DSCAM: variants seen among roughly 807,000 people sequenced by gnomAD.
The protein encoded by DSCAM is DS cell adhesion molecule.
Under a neutral mutation model 217.7 loss-of-function variants are expected in DSCAM, and 47 were observed. That is an observed-to-expected ratio of 0.22 (90% CI 0.17 to 0.28). The LOEUF is 0.28. Among genes scored for constraint, DSCAM ranks in the 10% least tolerant of loss-of-function variants. DSCAM has a pLI of 1.00. For synonymous variants in DSCAM, 1,056 were observed against 1,015.3 expected, an observed-to-expected ratio of 1.04 and a Z score of -0.76; for missense variants, 2,080 against 2,618.3, an observed-to-expected ratio of 0.79 and a Z score of 4.49.
chr21:40,615,184 A>T (rs1288497225), intron 3 of DSCAM, among the ~76,000 whole-genome samples: 2 of 150,822 alleles, frequency 1.3e-5, no homozygotes, highest in Non-Finnish European at 3.0e-5. Flanking sequence ...CACACCTGTA[A>T]ACCCAGGAGA....
At chr21:40,536,883 C>G (rs556185399) in intron 3 of DSCAM, among the ~76,000 whole-genome samples, 1 of 152,172 alleles carries the variant, frequency 6.6e-6, no homozygotes, top group African/African-American at 2.4e-5. Context: ...CAAGTCCAGC[C>G]GTGACAGCTT....
intron 3 of DSCAM, chr21:40,615,367 G>C (rs1157907467): frequency 6.6e-6 from 1 of 150,428 alleles, no homozygotes; most frequent in Non-Finnish European, 1.5e-5. Flanking sequence ...TCTAAATGAT[G>C]AATCTATGAA....
intron 3 of DSCAM, among the ~76,000 whole-genome samples, chr21:40,565,512 C>G (rs942811719): frequency 1.3e-5 from 2 of 152,132 alleles, no homozygotes; most frequent in Non-Finnish European, 2.9e-5. Flanking sequence ...ATAAGGAACA[C>G]CCTTGGATAA....
At chr21:40,297,089 C>CA (rs1044227121) in intron 9 of DSCAM, among the ~76,000 whole-genome samples, 9 of 151,892 alleles carry the variant, frequency 5.9e-5, no homozygotes, top group African/African-American at 1.7e-4. Context: ...CACGGTGGGC[C>CA]AAAGGGGGAC....
chr21:40,377,575 G>T (rs1316007113), intron 3 of DSCAM, among the ~76,000 whole-genome samples: 1 of 152,052 alleles, frequency 6.6e-6, no homozygotes, highest in Non-Finnish European at 1.5e-5. Flanking sequence ...TAAGAGCTCA[G>T]CTGTGAGCAT....
At chr21:40,173,431 C>T (rs928459616) in intron 15 of DSCAM, among the ~76,000 whole-genome samples, 3 of 152,056 alleles carry the variant, frequency 2.0e-5, no homozygotes, top group South Asian at 2.1e-4. Context: ...GCAAGAAGGC[C>T]GATAACTTTC....
At chr21:40,143,313 A>G (rs1298846477) in intron 17 of DSCAM, among the ~76,000 whole-genome samples, 2 of 152,198 alleles carry the variant, frequency 1.3e-5, no homozygotes, top group Non-Finnish European at 2.9e-5. Flanking sequence ...GGCGGTGCAA[A>G]ATACTGGCTG....
chr21:40,825,135 T>C (rs903619198), intron 1 of DSCAM, among the ~76,000 whole-genome samples: 12 of 152,042 alleles, frequency 7.9e-5, no homozygotes, highest in African/African-American at 2.7e-4. Flanking sequence ...ATTCAACAAA[T>C]ATGGAGGGAG....
chr21:40,433,954 G>C (rs2075560368), intron 3 of DSCAM, among the ~76,000 whole-genome samples: 1 of 152,216 alleles, frequency 6.6e-6, no homozygotes, highest in Non-Finnish European at 1.5e-5. Context: ...TGCGTTGGGC[G>C]ATGTCACCTG....
At chr21:40,282,641 C>G (rs1034459724) in intron 10 of DSCAM, among the ~76,000 whole-genome samples, 1 of 125,220 alleles carries the variant, frequency 8.0e-6, no homozygotes, top group Non-Finnish European at 1.7e-5. Flanking sequence ...CTAAAAATTT[C>G]AAATTATATA....
chr21:40,582,740 A>C (rs1161237775), intron 3 of DSCAM, among the ~76,000 whole-genome samples: 1 of 152,042 alleles, frequency 6.6e-6, no homozygotes, highest in African/African-American at 2.4e-5. Context: ...ACTTACTAGA[A>C]GTTGAGATGA....
At chr21:40,552,962 T>C (rs1341598169) in intron 3 of DSCAM, among the ~76,000 whole-genome samples, 2 of 99,634 alleles carry the variant, frequency 2.0e-5, no homozygotes, top group African/African-American at 6.7e-5. Context: ...GAAACAGCTT[T>C]CTAATTTTTT....
chr21:40,020,482 A>G (rs1026754879), intron 32 of DSCAM, among the ~76,000 whole-genome samples: 1 of 152,144 alleles, frequency 6.6e-6, no homozygotes, highest in Non-Finnish European at 1.5e-5. Flanking sequence ...GCAATAAGAC[A>G]GCAAGCAGGG....
chr21:40,258,297 T>C (rs990923455), intron 11 of DSCAM, among the ~76,000 whole-genome samples: 2 of 152,212 alleles, frequency 1.3e-5, no homozygotes, highest in African/African-American at 4.8e-5. Flanking sequence ...CAAACACTGG[T>C]TGAGAACCTA....
chr21:40,614,853 TTA>T (rs1382767756), intron 3 of DSCAM, among the ~76,000 whole-genome samples: 2 of 152,296 alleles, frequency 1.3e-5, no homozygotes, highest in Non-Finnish European at 2.9e-5. Context: ...ATGATATACA[TTA>T]TGTATAAATT....
At chr21:40,082,667 A>T (rs891403675) in intron 24 of DSCAM, among the ~76,000 whole-genome samples, 1 of 149,904 alleles carries the variant, frequency 6.7e-6, no homozygotes, top group Non-Finnish European at 1.5e-5. Context: ...CCACGATTTT[A>T]AAAAAATCAC....
Position 40,291,637 on chromosome 21 carries a change from C to T in DSCAM, c.2182+4418G>A, listed in dbSNP as rs149129249. Among the ~76,000 whole-genome samples the T allele has an allele frequency of 1.3e-4, 20 of 152,348 alleles. No individual in the cohort carries two copies. The East Asian group carries it at 3.3e-3, about 25-fold the overall frequency. ...GGGAACTAGCTGGCCCCTCACCTTCCGGTCTCCCTCGGAGGACAGGAGCAC... is the reference window on the plus strand; with the variant it reads ...GGGAACTAGCTGGCCCCTCACCTTCTGGTCTCCCTCGGAGGACAGGAGCAC... On this transcript the variant is annotated intron_variant, in intron 10 of 32. Transcript: ENST00000400454.
chr21:40,055,844 G>T lies in DSCAM; in HGVS notation c.4920-4C>A. The stretch of plus-strand genomic sequence containing the variant: ...ATCTGAAGTCCGGGTATTCTTACTG[G>T]GAATAAAATGGGGTAATGCATTAAC... On this transcript the variant is annotated splice_region_variant and splice_polypyrimidine_tract_variant and intron_variant, in intron 28 of 32. Coordinates refer to ENST00000400454, the MANE Select transcript of DSCAM (RefSeq NM_001389.5). 6.2e-7 allele frequency: 1 copy of T among 1,607,220 alleles called. No individual in the cohort carries two copies. The highest frequency in any genetic ancestry group is 1.1e-5 in the South Asian group (1 of 90,882).
chr21:40,435,612 C>T (rs1324159490), intron 3 of DSCAM, among the ~76,000 whole-genome samples: 1 of 149,622 alleles, frequency 6.7e-6, no homozygotes, highest in East Asian at 1.9e-4. Flanking sequence ...TATCCAATTG[C>T]TCTTGTACTG....
Sources: gnomAD v4.1 joint callset for allele counts (sites outside exome capture counted in the v4.1 genomes callset) on GRCh38, gnomAD v4.1.1 for gene constraint, MANE v1.5 for transcripts, NCBI Gene and HGNC (gene_info 2026-07-23, HGNC 2026-07-21) for gene names.